Variants in GRK3 observed in about 807,000 individuals in gnomAD.
GRK3 encodes G protein-coupled receptor kinase 3.
Under a neutral mutation model 95.7 loss-of-function variants are expected in GRK3, and 54 were observed. The observed-to-expected ratio is 0.56, with a 90% CI of 0.45 to 0.71. GRK3 has a LOEUF of 0.71. Ranked by LOEUF, GRK3 falls within the 30% of genes least tolerant of loss-of-function variation. The pLI, the probability that GRK3 is intolerant of heterozygous loss-of-function variation, is 0.00. For missense variants in GRK3, 649 were observed against 851.2 expected (o/e 0.76, Z 2.96); for synonymous variants, 281 against 290.8 (o/e 0.97, Z 0.34).
chr22:25,600,295 C>T (rs1218532376), intron 1 of GRK3, among the ~76,000 whole-genome samples: 8 of 151,980 alleles, frequency 5.3e-5, no homozygotes, highest in South Asian at 4.2e-4. Context: ...TACAGGCAAC[C>T]GCCACTGCTA....
Position 25,728,975 on chromosome 22 carries a change from T to C in GRK3, c.*6525T>C, listed in dbSNP as rs2085495544. Reference sequence around the variant, plus strand: ...AAAGAAATCCGTTTTCTATTGTGCATTGCTATACGAAGTGAAGCCAGTAAA... The same window carrying C: ...AAAGAAATCCGTTTTCTATTGTGCACTGCTATACGAAGTGAAGCCAGTAAA... On this transcript the variant is annotated 3_prime_UTR_variant, in exon 21 of 21. Transcript: ENST00000324198. The C allele has an allele frequency of 6.6e-6, 1 of 152,246 alleles. No individual in the cohort carries two copies. The highest frequency in any genetic ancestry group is 2.4e-5 in the African/African-American group (1 of 41,468). 9.4% of individuals were successfully genotyped at this position (152,246 alleles called of 1,614,324 possible). A position where few individuals can be genotyped will look rare whatever the true frequency, so the allele number is the denominator to read the frequency against.
At chr22:25,594,465 C>T (rs1004715223) in intron 1 of GRK3, among the ~76,000 whole-genome samples, 1 of 152,176 alleles carries the variant, frequency 6.6e-6, no homozygotes, top group African/African-American at 2.4e-5. Flanking sequence ...AAAATACTAG[C>T]AAACCAAATC....
intron 2 of GRK3, among the ~76,000 whole-genome samples, chr22:25,628,628 T>G (rs1319648429): frequency 6.6e-6 from 1 of 152,224 alleles, no homozygotes; most frequent in Non-Finnish European, 1.5e-5. Context: ...GAGTTCATGT[T>G]TGCACTTGCT....
At chr22:25,664,557 G>A (rs1004925354) in intron 5 of GRK3, among the ~76,000 whole-genome samples, 1 of 124,302 alleles carries the variant, frequency 8.0e-6, no homozygotes, top group Non-Finnish European at 1.6e-5. Context: ...GTCTCGCTCT[G>A]TCGCCCAGGC....
chr22:25,635,379 T>C (rs1286462044), intron 2 of GRK3, among the ~76,000 whole-genome samples: 1 of 152,176 alleles, frequency 6.6e-6, no homozygotes, highest in Non-Finnish European at 1.5e-5. Flanking sequence ...CAGTACAATG[T>C]TCAAAATCAG....
At chr22:25,566,337 C>T (rs1354180416) in intron 1 of GRK3, among the ~76,000 whole-genome samples, 1 of 152,128 alleles carries the variant, frequency 6.6e-6, no homozygotes, top group East Asian at 1.9e-4. Context: ...CGTTAGGCGC[C>T]CAAGATTGCT....
intron 5 of GRK3, among the ~76,000 whole-genome samples, chr22:25,665,409 T>G (rs1325904367): frequency 2.0e-5 from 3 of 152,224 alleles, no homozygotes; most frequent in East Asian, 3.8e-4. Context: ...ACAAATCTGA[T>G]TTTAGCTTCC....
At chr22:25,629,993 C>A (rs2084653622) in intron 2 of GRK3, among the ~76,000 whole-genome samples, 1 of 151,858 alleles carries the variant, frequency 6.6e-6, no homozygotes, top group Non-Finnish European at 1.5e-5. Flanking sequence ...CATTGAAGAC[C>A]CCTTCATTTT....
chr22:25,703,165 T>C (rs898165319), intron 13 of GRK3, among the ~76,000 whole-genome samples: 2 of 152,238 alleles, frequency 1.3e-5, no homozygotes, highest in East Asian at 1.9e-4. Context: ...GCTCGAACTC[T>C]CATATGACAA....
chr22:25,607,244 A>G lies in GRK3; in HGVS notation c.190+2791A>G, dbSNP rs189244420. 7.2e-3 allele frequency among the ~76,000 whole-genome samples: 1,104 copies of G among 152,304 alleles called. 16 individuals carry two copies. The highest frequency in any genetic ancestry group is 0.024 in the African/African-American group (992 of 41,570). On this transcript the variant is annotated intron_variant, in intron 2 of 20. Transcript: ENST00000324198. Reference sequence around the variant, plus strand: ...CTATATGCATCTCTAAAAAGTATGCATGCTTTCTTATACAGCCGCAGTACC... The same window carrying G: ...CTATATGCATCTCTAAAAAGTATGCGTGCTTTCTTATACAGCCGCAGTACC...
chr22:25,651,954 T>C (rs545325044), intron 3 of GRK3, among the ~76,000 whole-genome samples: 23 of 152,296 alleles, frequency 1.5e-4, no homozygotes, highest in Middle Eastern at 3.4e-3. Context: ...TTAAAATGAA[T>C]AATGGCAGCC....
intron 9 of GRK3, among the ~76,000 whole-genome samples, chr22:25,681,252 G>A (rs553049072): frequency 6.6e-6 from 1 of 152,286 alleles, no homozygotes; most frequent in South Asian, 2.1e-4. Context: ...TTCTCATACA[G>A]CTGCATGGAA....
chr22:25,569,578 A>G (rs2146309211), intron 1 of GRK3, among the ~76,000 whole-genome samples: 1 of 152,320 alleles, frequency 6.6e-6, no homozygotes, highest in African/African-American at 2.4e-5. Flanking sequence ...TGTTTGGACA[A>G]GGGTGGAAAC....
intron 16 of GRK3, among the ~76,000 whole-genome samples, chr22:25,710,671 G>A (rs953735101): frequency 2.0e-5 from 3 of 152,192 alleles, no homozygotes; most frequent in African/African-American, 7.2e-5. Flanking sequence ...ACCTTGGAGC[G>A]TTTGCAGATG....
intron 6 of GRK3, among the ~76,000 whole-genome samples, chr22:25,670,506 G>GA (rs10713457): frequency 2.9e-4 from 42 of 144,820 alleles, no homozygotes; most frequent in Middle Eastern, 6.9e-3. Flanking sequence ...GTCTCCAAAA[G>GA]AAAAAAAAAA....
At chr22:25,687,308 G>A (rs55657161) in intron 10 of GRK3, among the ~76,000 whole-genome samples, 2,382 of 152,094 alleles carry the variant, frequency 0.016, 31 homozygotes, top group Middle Eastern at 0.065. Context: ...ATGGTGGCTT[G>A]GTTTTGCTGT....
intron 17 of GRK3, among the ~76,000 whole-genome samples, chr22:25,711,852 A>AC (rs2085346565): frequency 6.6e-6 from 1 of 152,050 alleles, no homozygotes; most frequent in Admixed American, 6.5e-5. Context: ...TCTGACACAA[A>AC]CCCGCGTTGC....
chr22:25,645,631 G>T (rs1014514298), intron 3 of GRK3, among the ~76,000 whole-genome samples: 1 of 152,120 alleles, frequency 6.6e-6, no homozygotes, highest in African/African-American at 2.4e-5. Flanking sequence ...TTAGAAACAG[G>T]ATCAAAGCAG....
At chr22:25,593,345 GTTTC>G (rs1475051971) in intron 1 of GRK3, among the ~76,000 whole-genome samples, 2 of 151,530 alleles carry the variant, frequency 1.3e-5, no homozygotes, top group Non-Finnish European at 2.9e-5. Context: ...GCCAGCATCT[GTTTC>G]TTTCTTTTCT....
Sources: gnomAD v4.1 joint callset for allele counts (sites outside exome capture counted in the v4.1 genomes callset) on GRCh38, gnomAD v4.1.1 for gene constraint, MANE v1.5 for transcripts, NCBI Gene and HGNC (gene_info 2026-07-23, HGNC 2026-07-21) for gene names.